ABLIM1: variants seen among roughly 807,000 people sequenced by gnomAD.
ABLIM1 encodes actin binding LIM protein 1, also known as actin-binding LIM protein 1.
ABLIM1 carries 40 observed loss-of-function variants against 107.0 expected under a neutral mutation model. The ratio of observed to expected loss-of-function variants is 0.37; its 90% CI spans 0.29 to 0.49. The LOEUF (loss-of-function observed/expected upper bound fraction) is 0.49, where lower values mean the gene tolerates loss of function less well. ABLIM1 is among the 20% of genes least tolerant of loss of function. The probability of loss-of-function intolerance (pLI) is 0.97; values close to 1 mark genes in which losing one functional copy is unlikely to be tolerated. For missense variants in ABLIM1, 857 were observed against 1,008.5 expected (o/e 0.85, Z 2.04); for synonymous variants, 357 against 357.3 (o/e 1.00, Z 0.01).
chr10:114,602,724 G>C (rs952363120), intron 1 of ABLIM1, among the ~76,000 whole-genome samples: 5 of 152,214 alleles, frequency 3.3e-5, no homozygotes, highest in African/African-American at 1.2e-4. Flanking sequence ...GGAATTTATA[G>C]GGTCTTTTCA....
At chr10:114,716,743 T>A (rs879472179) in intron 1 of ABLIM1, among the ~76,000 whole-genome samples, 19 of 151,294 alleles carry the variant, frequency 1.3e-4, no homozygotes, top group Admixed American at 4.0e-4. Flanking sequence ...ACTTGAGAGG[T>A]TTCGTGCAGG....
chr10:114,647,574 G>GAGCT (rs1270990113), intron 1 of ABLIM1, among the ~76,000 whole-genome samples: 1 of 152,180 alleles, frequency 6.6e-6, no homozygotes, highest in Admixed American at 6.5e-5. Context: ...GACAGAAAGG[G>GAGCT]AGCTGGCTGA....
chr10:114,700,141 A>G (rs2081279437), intron 1 of ABLIM1, among the ~76,000 whole-genome samples: 1 of 152,192 alleles, frequency 6.6e-6, no homozygotes, highest in African/African-American at 2.4e-5. Flanking sequence ...CTAACAAGCT[A>G]ATACATTTCC....
intron 3 of ABLIM1, among the ~76,000 whole-genome samples, chr10:114,573,464 G>T (rs1043032396): frequency 6.6e-6 from 1 of 152,196 alleles, no homozygotes; most frequent in Non-Finnish European, 1.5e-5. Flanking sequence ...CAGGGACAGG[G>T]CCATAGTTAA....
At chr10:114,439,154 G>A in intron 21 of ABLIM1, 22 bp downstream of exon 21, 1 of 1,613,914 alleles carries the variant, frequency 6.2e-7, no homozygotes, top group East Asian at 2.2e-5. Flanking sequence ...CATATGAGAG[G>A]AAAAAGAACA....
At chr10:114,473,792 A>C in intron 9 of ABLIM1, 87 bp downstream of exon 9, 1 of 974,902 alleles carries the variant, frequency 1.0e-6, no homozygotes, top group Non-Finnish European at 1.6e-6. Context: ...ACTTTGAATC[A>C]GTTTTTGTTT....
Position 114,433,962 on chromosome 10 carries a change from A to C in ABLIM1, c.*2298T>G, listed in dbSNP as rs1589602693. On this transcript the variant is annotated 3_prime_UTR_variant, in exon 23 of 23. Coordinates refer to ENST00000533213, the MANE Select transcript of ABLIM1 (RefSeq NM_002313.7). ...GCTCCATAATGAAAAAAATCTCTCCACCAGCCAAGTGCTGGGACCCAGGTG... is the reference window on the plus strand; with the variant it reads ...GCTCCATAATGAAAAAAATCTCTCCCCCAGCCAAGTGCTGGGACCCAGGTG... 6.6e-6 allele frequency: 1 copy of C among 152,132 alleles called. No individual in the cohort carries two copies. The highest frequency in any genetic ancestry group is 2.4e-5 in the African/African-American group (1 of 41,420). 9.4% of individuals were successfully genotyped at this position (152,132 alleles called of 1,614,324 possible).
At chr10:114,503,094 T>C (rs1052939577) in intron 6 of ABLIM1, among the ~76,000 whole-genome samples, 11 of 152,194 alleles carry the variant, frequency 7.2e-5, no homozygotes. Flanking sequence ...TCTCAATTCC[T>C]TTGTGGAAAT....
chr10:114,727,606 G>T (rs367997769), intron 1 of ABLIM1, among the ~76,000 whole-genome samples: 1 of 152,064 alleles, frequency 6.6e-6, no homozygotes, highest in African/African-American at 2.4e-5. Context: ...TTTCTTAAAC[G>T]GGTCAAAAAA....
chr10:114,547,786 A>C lies in ABLIM1; in HGVS notation c.674-10T>G. 6.2e-7 allele frequency: 1 copy of C among 1,605,900 alleles called. No homozygotes were observed. The highest frequency in any genetic ancestry group is 8.5e-7 in the Non-Finnish European group (1 of 1,179,872). On this transcript the variant is annotated splice_polypyrimidine_tract_variant and intron_variant, in intron 4 of 22. Coordinates refer to ENST00000533213, the MANE Select transcript of ABLIM1 (RefSeq NM_002313.7). Reference sequence around the variant, plus strand: ...CCGCAGCCGGCACAATCTGAAAAAGAGCAGCCGCCAGTGGTTACTACACAT... The same window carrying C: ...CCGCAGCCGGCACAATCTGAAAAAGCGCAGCCGCCAGTGGTTACTACACAT...
At chr10:114,588,925 C>T (rs1036755581) in intron 2 of ABLIM1, among the ~76,000 whole-genome samples, 6 of 152,068 alleles carry the variant, frequency 3.9e-5, no homozygotes, top group Non-Finnish European at 8.8e-5. Context: ...GGTTCTCAAC[C>T]TTGGAATATT....
At chr10:114,745,205 T>A (rs1024762913) in intron 1 of ABLIM1, among the ~76,000 whole-genome samples, 3 of 152,154 alleles carry the variant, frequency 2.0e-5, no homozygotes, top group African/African-American at 7.2e-5. Flanking sequence ...AAGAGTCTAT[T>A]CTCTTAACTA....
At chr10:114,556,617 G>T (rs1016978438) in intron 4 of ABLIM1, among the ~76,000 whole-genome samples, 6 of 152,206 alleles carry the variant, frequency 3.9e-5, no homozygotes, top group Non-Finnish European at 7.3e-5. Flanking sequence ...CTTTGAGGCA[G>T]AAATGATTCA....
Position 114,738,757 on chromosome 10 carries a change from TAACA to T in ABLIM1, c.-213+29300_-213+29303del, listed in dbSNP as rs1566290454. Among the ~76,000 whole-genome samples the T allele has an allele frequency of 4.6e-5, 7 of 150,560 alleles. No individual in the cohort carries two copies. In the East Asian group the frequency reaches 1.4e-3, roughly 30 times the overall value. On this transcript the variant is annotated intron_variant, in intron 1 of 15. Coordinates refer to the ABLIM1 transcript ENST00000651092. Reference sequence around the variant, plus strand: ...ATTCATAAACTCCTTGTTGGATCTATAACAGATGGAAACTGAGGCACGATAAAAA... The same window carrying T: ...ATTCATAAACTCCTTGTTGGATCTATGATGGAAACTGAGGCACGATAAAAA...
chr10:114,667,575 T>G lies in ABLIM1; in HGVS notation c.64+16715A>C, dbSNP rs183957343. Among the ~76,000 whole-genome samples the G allele has an allele frequency of 4.6e-5, 7 of 152,354 alleles. No homozygotes were observed. The East Asian group carries it at 1.3e-3, about 29-fold the overall frequency. On this transcript the variant is annotated intron_variant, in intron 1 of 23. Coordinates refer to the ABLIM1 transcript ENST00000369256. ...AAAAGCATAGATCTTAAGTATACAA[T>G]TTGATGAGTTTTAACAAATGCTTTC... is the stretch of plus-strand genomic sequence containing the variant.
chr10:114,701,587 A>G (rs2141846471), intron 1 of ABLIM1, among the ~76,000 whole-genome samples: 1 of 152,316 alleles, frequency 6.6e-6, no homozygotes, highest in East Asian at 1.9e-4. Context: ...AGCAATAAAA[A>G]GGAATGAACT....
intron 8 of ABLIM1, 135 bp downstream of exon 8, chr10:114,487,823 C>A: frequency 9.3e-7 from 1 of 1,072,082 alleles, no homozygotes; most frequent in South Asian, 1.3e-5. Flanking sequence ...AGCCAAATGG[C>A]CTTTGAACTT....
At chr10:114,724,622 C>G (rs2081919213) in intron 1 of ABLIM1, among the ~76,000 whole-genome samples, 1 of 152,144 alleles carries the variant, frequency 6.6e-6, no homozygotes, top group Non-Finnish European at 1.5e-5. Context: ...GTAATTAATT[C>G]TTTCAAGGCC....
chr10:114,564,946 C>T (rs1372870515), intron 4 of ABLIM1, among the ~76,000 whole-genome samples: 1 of 152,150 alleles, frequency 6.6e-6, no homozygotes, highest in Non-Finnish European at 1.5e-5. Context: ...TTTCTAAGCA[C>T]CCAATTTTTA....
Sources: gnomAD v4.1 joint callset for allele counts (sites outside exome capture counted in the v4.1 genomes callset) on GRCh38, gnomAD v4.1.1 for gene constraint, MANE v1.5 for transcripts, NCBI Gene and HGNC (gene_info 2026-07-23, HGNC 2026-07-21) for gene names.